ZNF516: variants seen among roughly 807,000 people sequenced by gnomAD.
ZNF516 encodes zinc finger protein 516.
In ZNF516, 19 loss-of-function variants were observed where a neutral mutation model predicts 79.7. That is an observed-to-expected ratio of 0.24 (90% CI 0.17 to 0.35). The LOEUF is 0.35. Ranked by LOEUF, ZNF516 falls within the 10% of genes least tolerant of loss-of-function variation. ZNF516 has a pLI of 1.00. For synonymous variants in ZNF516, 877 were observed against 739.5 expected (o/e 1.19, Z -3.02); for missense variants, 1,678 against 1,679.5 (o/e 1.00, Z 0.02).
intron 2 of ZNF516, among the ~76,000 whole-genome samples, chr18:76,460,543 G>A (rs182976113): frequency 6.6e-6 from 1 of 152,208 alleles, no homozygotes; most frequent in Non-Finnish European, 1.5e-5. Context: ...AAAGCAAGAG[G>A]CCACACCATC....
At chr18:76,480,494 T>C (rs3991131) in intron 1 of ZNF516, among the ~76,000 whole-genome samples, 16,213 of 130,698 alleles carry the variant, frequency 0.12, 1,154 homozygotes, top group Middle Eastern at 0.22. Flanking sequence ...CATATACACA[T>C]ACACACACAC....
At chr18:76,445,391 G>A (rs1352744323) in intron 2 of ZNF516, among the ~76,000 whole-genome samples, 1 of 152,132 alleles carries the variant, frequency 6.6e-6, no homozygotes, top group Non-Finnish European at 1.5e-5. Flanking sequence ...ACTCATTGTG[G>A]ATGGCTGTGT....
rs1911725546 is a variant in ZNF516 at position 76,442,335 on chromosome 18, C to T, written c.720G>A (p.Lys240=). The change falls in exon 3 of 7, where the codon AAG becomes AAA. Residue 240 remains lysine (K), a synonymous_variant. Transcript: ENST00000443185. The part of the protein sequence containing the change: ...GSGEACVENG[K]PELSPGEFPC... ...GGAACTCCCCGGGGCTCAGCTCGGG[C>T]TTGCCGTTCTCCACGCAGGCCTCGC... The T allele has an allele frequency of 1.9e-6, 3 of 1,610,954 alleles. No individual in the cohort carries two copies. Among genetic ancestry groups the T allele is most frequent in the South Asian group, 1.1e-5 (1 of 90,848 alleles).
chr18:76,457,974 C>G (rs1912832719), intron 2 of ZNF516, among the ~76,000 whole-genome samples: 1 of 152,170 alleles, frequency 6.6e-6, no homozygotes, highest in Non-Finnish European at 1.5e-5. Flanking sequence ...CTTCAAGGCC[C>G]AATGTACTTT....
rs1483542989 is a variant in ZNF516 at position 76,493,361 on chromosome 18, AAG to A, written c.-272+1781_-272+1782del. The A allele has an allele frequency of 3.9e-5, 7 of 179,378 alleles. No individual in the cohort carries two copies. The highest frequency in any genetic ancestry group is 6.4e-5 in the Non-Finnish European group (6 of 93,352). The allele number at this position is 179,378 out of a possible 1,614,324, so 11.1% of individuals were successfully genotyped here. On this transcript the variant is annotated intron_variant, in intron 1 of 6. Transcript: ENST00000443185. The surrounding 1 kb of genome is among the most constrained non-coding windows in gnomAD (Gnocchi z 5.2). ...GGGGGGCGGGGGCCGACGCAGGGGA[AAG>A]AGTTGCTCTCTACACCGAAAAGGGA...
chr18:76,446,443 C>G (rs1268340514), intron 2 of ZNF516, among the ~76,000 whole-genome samples: 1 of 152,234 alleles, frequency 6.6e-6, no homozygotes, highest in Non-Finnish European at 1.5e-5. Flanking sequence ...CCTCGGCATC[C>G]TGGGCCATGA....
chr18:76,413,961 A>G (rs1361075361), intron 3 of ZNF516, among the ~76,000 whole-genome samples: 1 of 152,264 alleles, frequency 6.6e-6, no homozygotes, highest in African/African-American at 2.4e-5. Context: ...TGATTACTAA[A>G]CAGTTCAAGA....
intron 1 of ZNF516, chr18:76,492,828 TG>T (rs1915313753): frequency 7.1e-6 from 7 of 985,926 alleles, no homozygotes; most frequent in Non-Finnish European, 8.4e-6. Flanking sequence ...AGGCGCTCCG[TG>T]GGGGCTGCTG....
Position 76,442,370 on chromosome 18 carries a change from G to A in ZNF516, c.685C>T (p.Pro229Ser), listed in dbSNP as rs758168297. 8.7e-6 allele frequency: 14 copies of A among 1,609,070 alleles called. No homozygotes were observed. The East Asian group carries it at 2.7e-4, about 31-fold the overall frequency. Residue 229 changes from proline to serine, a missense_variant, in exon 3 of 7, where the codon CCC (proline) becomes TCC (serine). Transcript: ENST00000443185. ...TCCACGCAGGCCTCGCCGCTGCCGG[G>A]CCCCTGCGCGGTGATGTGGTCCCTC... ...IERDHITAQG[P>S]GSGEACVENG...
intron 2 of ZNF516, among the ~76,000 whole-genome samples, chr18:76,443,493 G>C (rs561613241): frequency 3.9e-5 from 6 of 152,216 alleles, no homozygotes; most frequent in African/African-American, 1.4e-4. Flanking sequence ...AAATCTTTAG[G>C]AGAGACTGTA....
chr18:76,429,879 C>T (rs142370668), intron 3 of ZNF516, among the ~76,000 whole-genome samples: 2 of 152,274 alleles, frequency 1.3e-5, no homozygotes, highest in East Asian at 1.9e-4. Context: ...AACACGGTGC[C>T]CTTTTGTTAC....
intron 2 of ZNF516, among the ~76,000 whole-genome samples, chr18:76,454,598 GATCT>G (rs140738696): frequency 0.016 from 2,393 of 152,280 alleles, 30 homozygotes; most frequent in Middle Eastern, 0.054. Context: ...TAAGGAGAGT[GATCT>G]ATCAGAGAAT....
intron 1 of ZNF516, chr18:76,488,338 G>A (rs926676861): frequency 2.7e-5 from 22 of 815,308 alleles, no homozygotes; most frequent in Non-Finnish European, 3.3e-5. Context: ...CAGGCAGCCA[G>A]GAAAGGCCTT....
Position 76,489,574 on chromosome 18 carries a change from GACA to G in ZNF516, c.-272+5567_-272+5569del, listed in dbSNP as rs566641818. Reference sequence around the variant, plus strand: ...CCCTTCAGTCAATTTTGGTCTCTGGGACAACATCTTACAAAAAAAAAAAAAAAA... The same window carrying G: ...CCCTTCAGTCAATTTTGGTCTCTGGGACATCTTACAAAAAAAAAAAAAAAA... On this transcript the variant is annotated intron_variant, in intron 1 of 6. Coordinates refer to ENST00000443185, the MANE Select transcript of ZNF516 (RefSeq NM_014643.4). Among the ~76,000 whole-genome samples, 521 of 126,978 alleles carry G rather than the reference GACA, an allele frequency of 4.1e-3. 4 individuals are homozygous for G. The highest frequency in any genetic ancestry group is 0.014 in the African/African-American group (471 of 32,568). 83.3% of individuals were successfully genotyped at this position (126,978 alleles called of 152,430 possible).
At position 76,451,622 on chromosome 18, in the gene ZNF516, G is replaced by T. The variant is rs1345947853; in HGVS notation, c.-157-8411C>A. Among the ~76,000 whole-genome samples, 2 of 152,224 alleles carry T rather than the reference G, an allele frequency of 1.3e-5. No individual in the cohort carries two copies. The highest frequency in any genetic ancestry group is 2.9e-5 in the Non-Finnish European group (2 of 68,038). On this transcript the variant is annotated intron_variant, in intron 2 of 6. Transcript: ENST00000443185. The surrounding 1 kb of genome is among the most constrained non-coding windows in gnomAD (Gnocchi z 6.0). ...TTGGTCCCGGCCACAGCTACTACGG[G>T]GTCGGCGCAGAAGCCCGTGCGTGTG...
chr18:76,445,117 C>A (rs1007375854), intron 2 of ZNF516, among the ~76,000 whole-genome samples: 2 of 152,076 alleles, frequency 1.3e-5, no homozygotes, highest in Non-Finnish European at 2.9e-5. Context: ...ATTAGCCAGG[C>A]ATGATGGTGT....
chr18:76,376,197 T>C lies in ZNF516; in HGVS notation c.3259+2658A>G, dbSNP rs567088387. The stretch of plus-strand genomic sequence containing the variant: ...TCACCAAAGCTAGGGGCCCAGGAGG[T>C]GCCGAGCCCCCTCACCGGAGGCGTC... On this transcript the variant is annotated intron_variant, in intron 4 of 6. Transcript: ENST00000443185. Among the ~76,000 whole-genome samples, 39 of 151,954 alleles carry C rather than the reference T, an allele frequency of 2.6e-4. No individual in the cohort carries two copies. In the South Asian group the frequency reaches 7.9e-3, roughly 31 times the overall value.
At chr18:76,494,685 C>A (rs1915408108) in intron 1 of ZNF516, among the ~76,000 whole-genome samples, 1 of 152,054 alleles carries the variant, frequency 6.6e-6, no homozygotes, top group African/African-American at 2.4e-5. Context: ...GGGCCCGCAG[C>A]CCCATCACCC....
intron 2 of ZNF516, among the ~76,000 whole-genome samples, chr18:76,446,470 G>A (rs569397502): frequency 1.3e-5 from 2 of 152,358 alleles, no homozygotes; most frequent in East Asian, 3.9e-4. Context: ...CTGAGCGGAA[G>A]ATGGCACAGT....
Sources: gnomAD v4.1 joint callset for allele counts (sites outside exome capture counted in the v4.1 genomes callset) on GRCh38, gnomAD v4.1.1 for gene constraint, Gnocchi (gnomAD v3.1) non-coding constraint, MANE v1.5 for transcripts, NCBI Gene and HGNC (gene_info 2026-07-23, HGNC 2026-07-21) for gene names.